The following UGT1A9 variants were observed in gnomAD, a reference collection of about 807,000 sequenced individuals.
UGT1A9 encodes the protein UDP glucuronosyltransferase family 1 member A9.
UGT1A9 carries 35 observed loss-of-function variants against 45.0 expected under a neutral mutation model. The observed-to-expected ratio is 0.78, with a 90% CI of 0.59 to 1.03. The LOEUF is 1.03. Among genes scored for constraint, UGT1A9 ranks in the 50% least tolerant of loss-of-function variants. UGT1A9 has a pLI of 0.00. For missense variants in UGT1A9, 687 were observed against 666.6 expected, an observed-to-expected ratio of 1.03 and a Z score of -0.34; for synonymous variants, 278 against 250.6, an observed-to-expected ratio of 1.11 and a Z score of -1.03.
At chr2:233,755,474 T>TCTGTGAGGCC (rs1294746621) in intron 1 of UGT1A9, 2 of 236,996 alleles carry the variant, frequency 8.4e-6, no homozygotes, top group African/African-American at 4.6e-5. Context: ...TCTGTGAGGC[T>TCTGTGAGGCC]CTGTGAGGCC....
intron 1 of UGT1A9, chr2:233,681,770 C>A: frequency 1.1e-6 from 1 of 933,652 alleles, no homozygotes; most frequent in Non-Finnish European, 1.3e-6. Context: ...GCAAAGGCTA[C>A]TCATGTATTA....
chr2:233,743,833 G>A (rs2125856525), intron 1 of UGT1A9: 1 of 1,367,262 alleles, frequency 7.3e-7, no homozygotes, highest in African/African-American at 1.5e-5. Context: ...GGTGCCACTT[G>A]AGCGCCAGCT....
chr2:233,743,985 AGG>A, intron 1 of UGT1A9: 1 of 1,283,222 alleles, frequency 7.8e-7, no homozygotes, highest in South Asian at 1.3e-5. Context: ...ACCCAGGCGC[AGG>A]CCCGAGTGCT....
At chr2:233,672,889 T>C in intron 1 of UGT1A9, 100 bp downstream of exon 1, 1 of 1,513,176 alleles carries the variant, frequency 6.6e-7, no homozygotes, top group East Asian at 2.3e-5. Context: ...ATTTGTTTCA[T>C]TTCAAATTTC....
chr2:233,705,344 C>G (rs771723864), intron 1 of UGT1A9, among the ~76,000 whole-genome samples: 1 of 152,092 alleles, frequency 6.6e-6, no homozygotes, highest in Non-Finnish European at 1.5e-5. Context: ...CAATTTTTGT[C>G]TTATTACATG....
chr2:233,713,504 T>A, intron 1 of UGT1A9: 1 of 1,614,014 alleles, frequency 6.2e-7, no homozygotes, highest in Middle Eastern at 1.7e-4. Context: ...CTGCTGTGTT[T>A]TTCTTGAGGA....
chr2:233,743,421 G>A (rs1692287450), intron 1 of UGT1A9: 1 of 1,339,950 alleles, frequency 7.5e-7, no homozygotes, highest in African/African-American at 1.5e-5. Flanking sequence ...TTCCCAGGGA[G>A]CCAAAGGAAC....
In UGT1A9 at chr2:233,698,217, GAATTA is replaced by G. The variant is rs370522111; in HGVS notation, c.855+25436_855+25440del. ...ATCAACATGCACTTTTAATTATTAG[GAATTA>G]AATTAAAGTGATCAAAATAGAATTT... On this transcript the variant is annotated intron_variant, in intron 1 of 4. Coordinates refer to ENST00000354728, the MANE Select transcript of UGT1A9 (RefSeq NM_021027.3). Among the ~76,000 whole-genome samples, 5 of 152,050 alleles carry G rather than the reference GAATTA, an allele frequency of 3.3e-5. No individual in the cohort carries two copies. The East Asian group carries it at 5.8e-4, about 18-fold the overall frequency.
chr2:233,674,692 A>T (rs1029159976), intron 1 of UGT1A9, among the ~76,000 whole-genome samples: 2 of 152,200 alleles, frequency 1.3e-5, no homozygotes, highest in African/African-American at 4.8e-5. Context: ...TCTATTAAAG[A>T]ATATGGATGT....
chr2:233,754,215 T>A (rs1387155236), intron 1 of UGT1A9: 1 of 166,766 alleles, frequency 6.0e-6, no homozygotes, highest in Non-Finnish European at 1.3e-5. Flanking sequence ...GTCAAATGAT[T>A]TAGAGCAAAC....
At chr2:233,691,686 GC>G in intron 1 of UGT1A9, 1 of 955,316 alleles carries the variant, frequency 1.0e-6, no homozygotes, top group Non-Finnish European at 1.2e-6. Context: ...GAAACCTGAA[GC>G]TCAGGAGAGG....
chr2:233,773,279 T>G lies in UGT1A9; in HGVS notation c.*720T>G, dbSNP rs1468042895. 1 of 152,208 alleles carries G rather than the reference T, an allele frequency of 6.6e-6. No homozygotes were observed. Among genetic ancestry groups the G allele is most frequent in the African/African-American group, 2.4e-5 (1 of 41,464 alleles). 9.4% of individuals were successfully genotyped at this position (152,208 alleles called of 1,614,324 possible). On this transcript the variant is annotated 3_prime_UTR_variant, in exon 5 of 5. Transcript: ENST00000354728. ...ATGTTTCCTACAACTAAAAATAAATTAATAAATTTATATAAATTCTATTTA... is the reference window on the plus strand; with the variant it reads ...ATGTTTCCTACAACTAAAAATAAATGAATAAATTTATATAAATTCTATTTA...
At position 233,768,425 on chromosome 2, in the gene UGT1A9, C is replaced by A. The variant is rs1021872145; in HGVS notation, c.1281C>A (p.Val427=). 5.0e-6 allele frequency: 8 copies of A among 1,613,756 alleles called. No individual in the cohort carries two copies. Among genetic ancestry groups the A allele is most frequent in the Non-Finnish European group, 5.9e-6 (7 of 1,179,962 alleles). Residue 427 remains valine, a synonymous_variant, in exon 4 of 5, where the codon GTC becomes GTA. Transcript: ENST00000354728. ...ATTTAGAAAATGCTCTAAAAGCAGTCATCAATGACAAAAGGTAAGAAAGAA... is the reference window on the plus strand; with the variant it reads ...ATTTAGAAAATGCTCTAAAAGCAGTAATCAATGACAAAAGGTAAGAAAGAA... The part of the protein sequence containing the change: ...SEDLENALKA[V]INDKSYKENI...
chr2:233,728,446 A>G (rs1222950362), intron 1 of UGT1A9, among the ~76,000 whole-genome samples: 1 of 152,128 alleles, frequency 6.6e-6, no homozygotes, highest in African/African-American at 2.4e-5. Context: ...TATATGGAGA[A>G]TCCTCAACAA....
chr2:233,693,082 T>G, intron 1 of UGT1A9: 1 of 1,614,190 alleles, frequency 6.2e-7, no homozygotes, highest in Non-Finnish European at 8.5e-7. Flanking sequence ...TGGTTGTAGG[T>G]GACAAGCTGC....
intron 1 of UGT1A9, among the ~76,000 whole-genome samples, chr2:233,731,858 A>G (rs1373548311): frequency 6.6e-6 from 1 of 152,232 alleles, no homozygotes; most frequent in African/African-American, 2.4e-5. Context: ...AGGAATCGCC[A>G]CACTGTCTTC....
At chr2:233,692,893 G>C in intron 1 of UGT1A9, 1 of 1,527,424 alleles carries the variant, frequency 6.5e-7, no homozygotes, top group Non-Finnish European at 8.7e-7. Flanking sequence ...GCAAGGGAGA[G>C]GTAGACAGGA....
intron 1 of UGT1A9, chr2:233,717,940 C>T: frequency 2.2e-6 from 1 of 453,716 alleles, no homozygotes; most frequent in Non-Finnish European, 4.4e-6. Context: ...AGTCTCTATG[C>T]AGACTTGCAG....
chr2:233,693,102 C>T, intron 1 of UGT1A9: 1 of 1,614,144 alleles, frequency 6.2e-7, no homozygotes, highest in Non-Finnish European at 8.5e-7. Flanking sequence ...CTGGTGGTCC[C>T]TCAGGACGGA....
Sources: allele counts gnomAD v4.1 joint callset (sites outside exome capture counted in the v4.1 genomes callset), GRCh38; gene constraint gnomAD v4.1.1; transcripts MANE v1.5; gene names NCBI Gene and HGNC (gene_info 2026-07-23, HGNC 2026-07-21).